KIF26B: variants seen among roughly 807,000 people sequenced by gnomAD.
The protein encoded by KIF26B is kinesin-like protein KIF26B.
A neutral mutation model predicts 151.2 loss-of-function variants in KIF26B; 63 were observed. That is an observed-to-expected ratio of 0.42 (90% CI 0.34 to 0.51). The LOEUF (loss-of-function observed/expected upper bound fraction) is 0.51, where lower values mean the gene tolerates loss of function less well. Ranked by LOEUF, KIF26B falls within the 20% of genes least tolerant of loss-of-function variation. The pLI, the probability that KIF26B is intolerant of heterozygous loss-of-function variation, is 0.07. For synonymous variants in KIF26B, 1,357 were observed against 1,262.1 expected (o/e 1.08, Z -1.59); for missense variants, 2,813 against 2,913.6 (o/e 0.97, Z 0.79).
chr1:245,561,861 C>T (rs1450605461), intron 5 of KIF26B, among the ~76,000 whole-genome samples: 1 of 152,154 alleles, frequency 6.6e-6, no homozygotes, highest in Non-Finnish European at 1.5e-5. Flanking sequence ...TTTCATCAGT[C>T]CACCTGATTC....
At chr1:245,180,883 T>C (rs942763754) in intron 2 of KIF26B, among the ~76,000 whole-genome samples, 1 of 152,166 alleles carries the variant, frequency 6.6e-6, no homozygotes, top group Non-Finnish European at 1.5e-5. Flanking sequence ...TCACCCTGGC[T>C]AGAGTGCTGT....
At chr1:245,480,543 T>A (rs778695498) in intron 4 of KIF26B, among the ~76,000 whole-genome samples, 10 of 151,794 alleles carry the variant, frequency 6.6e-5, no homozygotes, top group Middle Eastern at 3.4e-3. Flanking sequence ...ATAGGCCAGC[T>A]TGGTACCGTA....
intron 2 of KIF26B, chr1:245,216,369 G>C (rs1323395676): frequency 1.3e-5 from 2 of 152,086 alleles, no homozygotes; most frequent in African/African-American, 4.8e-5. Context: ...TAAACTCAGA[G>C]ACTTGCAACC....
chr1:245,557,329 G>A (rs1042490531), intron 5 of KIF26B, among the ~76,000 whole-genome samples: 5 of 152,204 alleles, frequency 3.3e-5, no homozygotes, highest in Non-Finnish European at 5.9e-5. Context: ...TGCGGATGTG[G>A]AGCTGGAATG....
intron 3 of KIF26B, among the ~76,000 whole-genome samples, chr1:245,368,368 C>T (rs1572026958): frequency 6.6e-6 from 1 of 152,122 alleles, no homozygotes; most frequent in South Asian, 2.1e-4. Flanking sequence ...TAAGTGGCCT[C>T]CATATCCCCT....
At chr1:245,284,200 A>G (rs1484348935) in intron 2 of KIF26B, among the ~76,000 whole-genome samples, 1 of 152,182 alleles carries the variant, frequency 6.6e-6, no homozygotes, top group Non-Finnish European at 1.5e-5. Context: ...AATGGTATAT[A>G]GTATGTATTT....
In KIF26B at chr1:245,681,213, C is replaced by CTTT. The variant is rs71674433; in HGVS notation, c.2259-3008_2259-3006dup. On this transcript the variant is annotated intron_variant, in intron 10 of 14. Transcript: ENST00000407071. ...TCCGGTCTTTGGTAAGTTTTCTTTT[C>CTTT]TTTTTTTTTTTTTTGAGACAGAGTC... 4.0e-3 allele frequency among the ~76,000 whole-genome samples: 569 copies of CTTT among 141,270 alleles called. 6 individuals are homozygous for CTTT. The highest frequency in any genetic ancestry group is 7.5e-3 in the Middle Eastern group (2 of 268). The allele number at this position is 141,270 out of a possible 152,430, so 92.7% of individuals were successfully genotyped here. A position where few individuals can be genotyped will look rare whatever the true frequency, so the allele number is the denominator to read the frequency against.
Position 245,688,693 on chromosome 1 carries a change from G to T in KIF26B, c.5710G>T (p.Asp1904Tyr), listed in dbSNP as rs749953234. Residue 1904 changes from aspartate (D) to tyrosine (Y), a missense_variant, in exon 12 of 15, where the codon GAC becomes TAC. Transcript: ENST00000407071. ...GSSGYESVMR[D>Y]SEATGSASSA... ...CAGCGGCTACGAGAGCGTGATGCGG[G>T]ACAGCGAGGCCACCGGCAGCGCGTC... 12 of 1,606,602 alleles carry T rather than the reference G, an allele frequency of 7.5e-6. No individual in the cohort carries two copies. Among genetic ancestry groups the T allele is most frequent in the East Asian group, 2.2e-5 (1 of 44,602 alleles).
chr1:245,545,519 G>A (rs1469291388), intron 5 of KIF26B, among the ~76,000 whole-genome samples: 1 of 152,170 alleles, frequency 6.6e-6, no homozygotes, highest in Non-Finnish European at 1.5e-5. Context: ...ATAACTTAGT[G>A]CTTTATTCCA....
chr1:245,257,529 T>C (rs1670558602), intron 2 of KIF26B, among the ~76,000 whole-genome samples: 1 of 152,196 alleles, frequency 6.6e-6, no homozygotes, highest in African/African-American at 2.4e-5. Flanking sequence ...ACTGGAACAC[T>C]TTTCTCCATG....
rs1425381575 is a variant in KIF26B at position 245,704,120 on chromosome 1, A to ATGAT, written c.*1515_*1518dup. The ATGAT allele has an allele frequency of 1.3e-5, 2 of 152,244 alleles. No individual in the cohort carries two copies. Among genetic ancestry groups the ATGAT allele is most frequent in the African/African-American group, 4.8e-5 (2 of 41,446 alleles). 9.4% of individuals were successfully genotyped at this position (152,244 alleles called of 1,614,324 possible). ...TTCCCTGATAAAAGCTGTGGTGCTG[A>ATGAT]TGATAGTGCAGCCCAGAATCTAAGA... On this transcript the variant is annotated 3_prime_UTR_variant, in exon 15 of 15. Transcript: ENST00000407071.
chr1:245,612,351 T>A (rs2103154938), intron 9 of KIF26B, among the ~76,000 whole-genome samples: 1 of 152,180 alleles, frequency 6.6e-6, no homozygotes, highest in South Asian at 2.1e-4. Flanking sequence ...GGTCTTGAGA[T>A]CCTCTTGCCT....
chr1:245,598,269 T>C lies in KIF26B; in HGVS notation c.1351-4308T>C, dbSNP rs185309746. ...GCCTTCATTGTGGGTATCCACAAAG[T>C]GAGTTGAAACAAAGCTCATGCATGA... is the stretch of plus-strand genomic sequence containing the variant. On this transcript the variant is annotated intron_variant, in intron 5 of 14. Transcript: ENST00000407071. 7.9e-4 allele frequency among the ~76,000 whole-genome samples: 120 copies of C among 152,254 alleles called. No homozygotes were observed. In the East Asian group the frequency reaches 0.021, roughly 27 times the overall value.
At position 245,687,647 on chromosome 1, in the gene KIF26B, A is replaced by C; in HGVS notation, c.4664A>C (p.Tyr1555Ser). ...SRQEEPDSLS[Y>S]YCAAETNGVG... ...CAGGAGGAGCCGGACAGCCTCTCCT[A>C]TTACTGCGCTGCTGAGACCAACGGG... is the stretch of plus-strand genomic sequence containing the variant. Residue 1555 changes from tyrosine to serine, a missense_variant, in exon 12 of 15, where the codon TAT becomes TCT. By Grantham distance (144) the Tyr-to-Ser change is moderately radical (BLOSUM62 -2). Around this residue, in one of 3 missense-constraint regions of KIF26B, gnomAD observed 2,060 missense variants for 2,088.6 expected, o/e 0.99. Coordinates refer to ENST00000407071, the MANE Select transcript of KIF26B (RefSeq NM_018012.4). This position sits in a 1 kb window ranked among gnomAD's most constrained non-coding sequence, Gnocchi z 4.9. The C allele has an allele frequency of 6.4e-7, 1 of 1,571,620 alleles. No homozygotes were observed. Among genetic ancestry groups the C allele is most frequent in the Non-Finnish European group, 8.6e-7 (1 of 1,158,742 alleles).
intron 4 of KIF26B, among the ~76,000 whole-genome samples, chr1:245,471,488 A>T (rs1037779302): frequency 7.2e-5 from 11 of 152,014 alleles, no homozygotes; most frequent in African/African-American, 2.7e-4. Context: ...AAGATATAGA[A>T]GTTAAGACAA....
chr1:245,508,753 G>A (rs1031710297), intron 4 of KIF26B, among the ~76,000 whole-genome samples: 2 of 152,148 alleles, frequency 1.3e-5, no homozygotes, highest in African/African-American at 4.8e-5. Context: ...ATTAATGGAA[G>A]TGTGACACCT....
At chr1:245,555,054 G>A (rs926107301) in intron 5 of KIF26B, among the ~76,000 whole-genome samples, 5 of 152,300 alleles carry the variant, frequency 3.3e-5, no homozygotes, top group South Asian at 2.1e-4. Flanking sequence ...ACACCTGGGC[G>A]TTCTTTGTTT....
At chr1:245,439,822 G>A (rs1277165862) in intron 4 of KIF26B, among the ~76,000 whole-genome samples, 3 of 152,202 alleles carry the variant, frequency 2.0e-5, no homozygotes, top group African/African-American at 7.2e-5. Context: ...GTAACTAAAT[G>A]TGTTGGACAT....
intron 2 of KIF26B, among the ~76,000 whole-genome samples, chr1:245,272,086 A>G (rs4372297): frequency 6.6e-6 from 1 of 152,262 alleles, no homozygotes; most frequent in African/African-American, 2.4e-5. Flanking sequence ...GGTAGTTTGT[A>G]TATCTCTAGG....
Sources: gnomAD v4.1 joint callset for allele counts (sites outside exome capture counted in the v4.1 genomes callset) on GRCh38, gnomAD v4.1.1 for gene constraint, gnomAD v4.1.1 regional missense constraint, Gnocchi (gnomAD v3.1) non-coding constraint, MANE v1.5 for transcripts, NCBI Gene and HGNC (gene_info 2026-07-23, HGNC 2026-07-21) for gene names.